Variants in DNAJB1 observed in about 807,000 individuals in gnomAD.
DNAJB1 encodes the protein DnaJ heat shock protein family (Hsp40) member B1.
DNAJB1 carries 14 observed loss-of-function variants against 24.0 expected under a neutral mutation model. The observed-to-expected ratio is 0.58, with a 90% CI of 0.39 to 0.91. The LOEUF is 0.91. Among genes scored for constraint, DNAJB1 ranks in the 40% least tolerant of loss-of-function variants. The pLI is 0.00. For missense variants in DNAJB1, 517 were observed against 458.1 expected (o/e 1.13, Z -1.17); for synonymous variants, 262 against 174.4 (o/e 1.50, Z -3.96).
chr19:14,554,504 G>A (rs556528108), upstream of DNAJB1, among the ~76,000 whole-genome samples: 2 of 152,180 alleles, frequency 1.3e-5, 1 homozygote, highest in South Asian at 4.2e-4. Flanking sequence ...GTTTACAGCC[G>A]GGAGAGGACT....
At chr19:14,518,106 G>A (rs1249517709) in intron 1 of DNAJB1, 33 bp downstream of exon 1, 2 of 1,441,238 alleles carry the variant, frequency 1.4e-6, no homozygotes, top group African/African-American at 1.5e-5. Flanking sequence ...TCTGTCAAAA[G>A]GCGGGGCCGC....
Position 14,515,989 on chromosome 19 carries a change from C to T in DNAJB1, c.974G>A (p.Arg325Lys). Residue 325 changes from arginine to lysine, a missense_variant, in exon 3 of 3, where the codon AGG becomes AAG. Transcript: ENST00000254322. ...TACGGTTCTTGATGTCTGGGGAATC[C>T]TTTCGGGGAAGATCACTTCAAACTC... ...IIEFEVIFPE[R>K]IPQTSRTVLE... The T allele has an allele frequency of 6.2e-7, 1 of 1,610,052 alleles. No individual in the cohort carries two copies. Among genetic ancestry groups the T allele is most frequent in the South Asian group, 1.1e-5 (1 of 90,882 alleles).
chr19:14,542,347 GTTTTTTTTTTTTTTTTT>G (rs71166754), intron 1 of DNAJB1, among the ~76,000 whole-genome samples: 1 of 43,282 alleles, frequency 2.3e-5, no homozygotes, highest in Admixed American at 3.6e-4. Context: ...ATGCCATAGT[GTTTTTTTTTTTTTTTTT>G]TTTTTTTTTT....
chr19:14,544,848 G>A (rs1599444445), intron 1 of DNAJB1, among the ~76,000 whole-genome samples: 1 of 152,112 alleles, frequency 6.6e-6, no homozygotes, highest in East Asian at 1.9e-4. Context: ...GCCTAAGCTG[G>A]TCTTGAACTC....
upstream of DNAJB1, among the ~76,000 whole-genome samples, chr19:14,523,353 C>T (rs2072383723): frequency 1.3e-5 from 2 of 152,060 alleles, no homozygotes; most frequent in South Asian, 2.1e-4. Flanking sequence ...CTCACTCTGT[C>T]ACCCAGGCTG....
chr19:14,549,682 C>T (rs781518928), intron 1 of DNAJB1, among the ~76,000 whole-genome samples: 1 of 151,952 alleles, frequency 6.6e-6, no homozygotes, highest in African/African-American at 2.4e-5. Flanking sequence ...CAGTGGCTCA[C>T]GCCTGTAATC....
At chr19:14,543,389 AT>A (rs1300619171) in intron 1 of DNAJB1, among the ~76,000 whole-genome samples, 2 of 5,868 alleles carry the variant, frequency 3.4e-4, no homozygotes, top group African/African-American at 1.4e-3. Context: ...GTTTCAGAGA[AT>A]ATATATATAT....
intron 1 of DNAJB1, chr19:14,529,135 A>T (rs7249458): frequency 0.53 from 95,606 of 178,832 alleles, 28,179 homozygotes; most frequent in African/African-American, 0.79. Context: ...CTCCTCGCCA[A>T]CCAGACTCCG....
chr19:14,537,032 G>T (rs1408357399), intron 1 of DNAJB1, among the ~76,000 whole-genome samples: 1 of 146,882 alleles, frequency 6.8e-6, no homozygotes. Context: ...TGTCGAGGAG[G>T]GGGAGGCGGG....
intron 1 of DNAJB1, among the ~76,000 whole-genome samples, chr19:14,542,906 T>TA (rs2073150109): frequency 1.3e-5 from 2 of 152,056 alleles, no homozygotes; most frequent in South Asian, 2.1e-4. Flanking sequence ...ATCAGGCTCT[T>TA]ACGTAAGCAG....
chr19:14,530,966 A>G (rs912170775), upstream of DNAJB1: 4 of 152,114 alleles, frequency 2.6e-5, no homozygotes, highest in Admixed American at 6.6e-5. Flanking sequence ...TCTGGCAGCC[A>G]CCATTCTACT....
chr19:14,517,557 C>A (rs1428961505), intron 1 of DNAJB1: 1 of 154,702 alleles, frequency 6.5e-6, no homozygotes, highest in Non-Finnish European at 1.4e-5. Context: ...GAATCATCAA[C>A]GGGCACAGGA....
At chr19:14,552,842 T>C (rs980371197), upstream of DNAJB1, among the ~76,000 whole-genome samples, 8 of 152,134 alleles carry the variant, frequency 5.3e-5, no homozygotes, top group Middle Eastern at 3.4e-3. Context: ...GGCCCAGTCT[T>C]TTTCTTATAG....
upstream of DNAJB1, chr19:14,530,007 A>G: frequency 1.9e-6 from 1 of 530,978 alleles, no homozygotes; most frequent in Non-Finnish European, 3.4e-6. Context: ...GCTGAGTTGC[A>G]GACTTTGTCA....
At chr19:14,528,010 A>C (rs974215571) in intron 1 of DNAJB1, among the ~76,000 whole-genome samples, 2 of 145,478 alleles carry the variant, frequency 1.4e-5, no homozygotes, top group African/African-American at 5.1e-5. Context: ...CAGCCTCCCT[A>C]GTAGCTGGGA....
upstream of DNAJB1, chr19:14,529,432 C>T: frequency 1.6e-6 from 1 of 618,206 alleles, no homozygotes; most frequent in Non-Finnish European, 2.9e-6. Context: ...GCGTTCCGCC[C>T]CCTTCGATTG....
upstream of DNAJB1, among the ~76,000 whole-genome samples, chr19:14,521,177 G>A: frequency 1.3e-5 from 2 of 152,138 alleles, 1 homozygote; most frequent in Non-Finnish European, 2.9e-5. Context: ...CTTGCCATAG[G>A]CCAGGCACGG....
chr19:14,533,623 T>A (rs187742092), upstream of DNAJB1, among the ~76,000 whole-genome samples: 2 of 152,264 alleles, frequency 1.3e-5, no homozygotes, highest in African/African-American at 4.8e-5. Context: ...GGTTGAGGAC[T>A]GTTATCATGG....
At chr19:14,538,241 A>G (rs2072974394) in intron 1 of DNAJB1, among the ~76,000 whole-genome samples, 1 of 152,092 alleles carries the variant, frequency 6.6e-6, no homozygotes, top group Non-Finnish European at 1.5e-5. Flanking sequence ...GCACTGGGGA[A>G]AGAATCAAGT....
Sources: allele counts gnomAD v4.1 joint callset (sites outside exome capture counted in the v4.1 genomes callset), GRCh38; gene constraint gnomAD v4.1.1; transcripts MANE v1.5; gene names NCBI Gene and HGNC (gene_info 2026-07-23, HGNC 2026-07-21).